Variants in DOCK11 observed in about 807,000 individuals in gnomAD.
DOCK11 encodes dedicator of cytokinesis protein 11.
A neutral mutation model predicts 169.1 loss-of-function variants in DOCK11; 70 were observed. The observed-to-expected ratio is 0.41, with a 90% CI of 0.34 to 0.51. The LOEUF (loss-of-function observed/expected upper bound fraction) is 0.51. Among genes scored for constraint, DOCK11 ranks in the 20% least tolerant of loss-of-function variants. DOCK11 has a pLI of 0.10. For synonymous variants in DOCK11, 529 were observed against 541.3 expected (o/e 0.98, Z 0.32); for missense variants, 1,166 against 1,538.8 (o/e 0.76, Z 4.05).
At chrX:118,605,096 CT>C (rs1233170112) in intron 23 of DOCK11, 141 bp from the exon 24 acceptor site, 5 of 397,114 alleles carry the variant, frequency 1.3e-5, no homozygotes, top group African/African-American at 7.8e-5. Flanking sequence ...AAAAAGCCCC[CT>C]ATCCAATGGA....
chrX:118,547,095 G>A (rs759434883), intron 6 of DOCK11, among the ~76,000 whole-genome samples: 6 of 111,338 alleles, frequency 5.4e-5, no homozygotes, highest in Non-Finnish European at 1.1e-4. Flanking sequence ...GCTGTAAAGA[G>A]CCATTAAAAT....
rs753109238 is a variant in DOCK11, at chrX:118,627,565, C to T, written c.3650C>T (p.Thr1217Ile). 2.6e-5 allele frequency: 31 copies of T among 1,204,685 alleles called. No individual in the cohort carries two copies. The East Asian group carries it at 9.2e-4, about 36-fold the overall frequency. Residue 1217 changes from threonine (T) to isoleucine (I), a missense_variant, in exon 33 of 53, where the codon ACT becomes ATT. By Grantham distance (89) the Thr-to-Ile change is moderately conservative (BLOSUM62 -1). Coordinates refer to ENST00000276202, the MANE Select transcript of DOCK11 (RefSeq NM_144658.4). ...CCTGCCAATAGAGGGAGTCTGAGCACTGACAAAGACACCGGTAATTAAACC... is the reference window on the plus strand; with the variant it reads ...CCTGCCAATAGAGGGAGTCTGAGCATTGACAAAGACACCGGTAATTAAACC... ...TSPANRGSLS[T>I]DKDTAYGSFQ...
intron 12 of DOCK11, among the ~76,000 whole-genome samples, chrX:118,574,696 T>TCCCA (rs1198662987): frequency 8.9e-6 from 1 of 112,013 alleles, no homozygotes; most frequent in Non-Finnish European, 1.9e-5. Context: ...AAATTAACTC[T>TCCCA]CCCACCCCTG....
intron 45 of DOCK11, among the ~76,000 whole-genome samples, chrX:118,669,067 AT>A (rs1261964005): frequency 8.9e-6 from 1 of 112,041 alleles, no homozygotes; most frequent in Non-Finnish European, 1.9e-5. Flanking sequence ...CCATTGCCAG[AT>A]TTTAAGAAAG....
chrX:118,605,407 T>C, intron 24 of DOCK11, 51 bp downstream of exon 24: 1 of 879,951 alleles, frequency 1.1e-6, no homozygotes, highest in Non-Finnish European at 1.6e-6. Context: ...AGATCTTTCT[T>C]ATTTTTTAAT....
chrX:118,568,370 TTATATATATATATATATATATA>T (rs397839351), intron 10 of DOCK11, among the ~76,000 whole-genome samples: 1,831 of 36,740 alleles, frequency 0.05, 84 homozygotes, highest in African/African-American at 0.11. Context: ...TGGGGCTGAA[TTATATATATATATATATATATA>T]TATATATATA....
intron 40 of DOCK11, among the ~76,000 whole-genome samples, chrX:118,647,813 A>T (rs1262110858): frequency 5.0e-4 from 25 of 50,161 alleles, no homozygotes; most frequent in African/African-American, 2.2e-3. Flanking sequence ...AATAATATAT[A>T]TTATATTATT....
Position 118,568,136 on chromosome X carries a change from CTCTTT to C in DOCK11, c.1016_1020del (p.Ser339Ter). On this transcript the variant is annotated frameshift_variant, in exon 10 of 53. Coordinates refer to ENST00000276202, the MANE Select transcript of DOCK11 (RefSeq NM_144658.4). LOFTEE classifies it high-confidence loss of function. The stretch of plus-strand genomic sequence containing the variant: ...CAGTAGAGGAGATGGAAGACAGAAT[CTCTTT>C]TCTTTTGATTCAGAAGTTCAGGTAT... The C allele has an allele frequency of 8.6e-7, 1 of 1,163,786 alleles. No individual in the cohort carries two copies. Among genetic ancestry groups the C allele is most frequent in the East Asian group, 3.1e-5 (1 of 31,863 alleles).
rs370338322 is a variant in DOCK11 at position 118,572,451 on chromosome X, A to G, written c.1164A>G (p.Gly388=). Residue 388 remains glycine, a synonymous_variant, in exon 11 of 53, where the codon GGA becomes GGG. Coordinates refer to ENST00000276202, the MANE Select transcript of DOCK11 (RefSeq NM_144658.4). ...ILGQIGDNAK[G]PPTNVEPFFI... The stretch of plus-strand genomic sequence containing the variant: ...GCCAAATTGGAGACAATGCAAAAGG[A>G]CCACCCACAAATGTATGTATGACTT... 1.7e-5 allele frequency: 21 copies of G among 1,202,081 alleles called. No homozygotes were observed. In the African/African-American group the frequency reaches 3.5e-4, roughly 20 times the overall value.
rs770796441 is a variant in DOCK11, at chrX:118,545,315, A to G, written c.393-8A>G. 10 of 1,169,433 alleles carry G rather than the reference A, an allele frequency of 8.6e-6. No individual in the cohort carries two copies. The South Asian group carries it at 1.7e-4, about 20-fold the overall frequency. On this transcript the variant is annotated splice_region_variant and splice_polypyrimidine_tract_variant and intron_variant, in intron 4 of 52. Transcript: ENST00000276202. ...TTAGTGTCTAAGACAGTTCTCTTAT[A>G]TTTGCAGTAAATCTTTGAGACCAGA...
intron 1 of DOCK11, among the ~76,000 whole-genome samples, chrX:118,540,223 G>A (rs1467328819): frequency 9.0e-6 from 1 of 110,786 alleles, no homozygotes; most frequent in Non-Finnish European, 1.9e-5. Flanking sequence ...GACTGTTTTT[G>A]CAATCTGTAC....
At chrX:118,646,958 T>C (rs2015686609) in intron 40 of DOCK11, among the ~76,000 whole-genome samples, 1 of 109,383 alleles carries the variant, frequency 9.1e-6, no homozygotes, top group Non-Finnish European at 1.9e-5. Context: ...TTTGCTTGCC[T>C]AGACCTAAAA....
Position 118,628,226 on chromosome X carries a change from C to A in DOCK11, c.3728C>A (p.Pro1243Gln), listed in dbSNP as rs1040916295. 4.1e-6 allele frequency: 5 copies of A among 1,205,547 alleles called. No individual in the cohort carries two copies. Among genetic ancestry groups the A allele is most frequent in the Middle Eastern group, 4.6e-4 (2 of 4,333 alleles). Residue 1243 changes from proline (P) to glutamine (Q), a missense_variant, in exon 34 of 53, where the codon CCA becomes CAA. Transcript: ENST00000276202. ...KREDSRGSLI[P>Q]EGATGFPDQG... ...GAAGATTCAAGAGGTTCCCTCATCC[C>A]AGAAGGAGCAACAGGATTTCCAGAT...
chrX:118,647,769 A>AAT (rs1221853770), intron 40 of DOCK11, among the ~76,000 whole-genome samples: 367 of 34,840 alleles, frequency 0.011, 5 homozygotes, highest in African/African-American at 0.05. Context: ...AATATATTAT[A>AAT]ATATATAATA....
chrX:118,601,446 T>C (rs1260714936), intron 23 of DOCK11, among the ~76,000 whole-genome samples: 2 of 109,264 alleles, frequency 1.8e-5, no homozygotes, highest in Admixed American at 9.8e-5. Flanking sequence ...AAGAAAAAAG[T>C]ATGATAATCA....
intron 38 of DOCK11, among the ~76,000 whole-genome samples, chrX:118,640,199 G>A (rs2015494470): frequency 8.9e-6 from 1 of 112,166 alleles, no homozygotes; most frequent in Admixed American, 9.5e-5. Context: ...GCGGAAGCTA[G>A]AGGGTTATAT....
intron 1 of DOCK11, among the ~76,000 whole-genome samples, chrX:118,510,144 T>A (rs921143735): frequency 9.8e-5 from 11 of 112,065 alleles, no homozygotes; most frequent in African/African-American, 3.6e-4. Context: ...GATGTGGCCA[T>A]CATTGAGGAA....
intron 22 of DOCK11, 95 bp from the exon 23 acceptor site, chrX:118,599,044 T>C: frequency 5.9e-6 from 4 of 677,750 alleles, no homozygotes; most frequent in Admixed American, 2.6e-5. Flanking sequence ...ACCGGATAAA[T>C]AGGTCTGCAA....
intron 23 of DOCK11, among the ~76,000 whole-genome samples, chrX:118,602,995 G>T (rs2014389280): frequency 8.9e-6 from 1 of 111,943 alleles, no homozygotes; most frequent in African/African-American, 3.2e-5. Context: ...ATAAGTGAGT[G>T]CCATGAAGAA....
Sources: allele counts gnomAD v4.1 joint callset (sites outside exome capture counted in the v4.1 genomes callset), GRCh38; gene constraint gnomAD v4.1.1; transcripts MANE v1.5; gene names NCBI Gene and HGNC (gene_info 2026-07-23, HGNC 2026-07-21).